The following FRMD4B variants were observed in gnomAD, a reference collection of about 807,000 sequenced individuals.
FRMD4B encodes FERM domain-containing protein 4B.
In FRMD4B, 74 loss-of-function variants were observed where a neutral mutation model predicts 141.5. The ratio of observed to expected loss-of-function variants is 0.52; its 90% CI spans 0.43 to 0.63. FRMD4B has a LOEUF of 0.63. Ranked by LOEUF, FRMD4B falls within the 30% of genes least tolerant of loss-of-function variation. The pLI is 0.00. For synonymous variants in FRMD4B, 506 were observed against 467.9 expected (o/e 1.08, Z -1.05); for missense variants, 1,366 against 1,253.4 (o/e 1.09, Z -1.36).
intron 1 of FRMD4B, among the ~76,000 whole-genome samples, chr3:69,352,126 G>C (rs958965779): frequency 6.6e-6 from 1 of 152,164 alleles, no homozygotes; most frequent in Non-Finnish European, 1.5e-5. Flanking sequence ...CCTCTGCTAA[G>C]AGCTGTAGTT....
chr3:69,200,088 C>G, intron 11 of FRMD4B, among the ~76,000 whole-genome samples: 1 of 152,208 alleles, frequency 6.6e-6, no homozygotes, highest in East Asian at 1.9e-4. Flanking sequence ...AAGCACTTCT[C>G]TGCAATGCAC....
chr3:69,259,699 C>A (rs928621297), intron 5 of FRMD4B, among the ~76,000 whole-genome samples: 2 of 152,114 alleles, frequency 1.3e-5, no homozygotes, highest in Non-Finnish European at 2.9e-5. Flanking sequence ...CTTTGACATC[C>A]TCTTATTTTC....
rs184065631 is a variant in FRMD4B at position 69,504,789 on chromosome 3, T to C, written c.-129+37417A>G. ...ACACATCTTAGTTGGTTCCTTTGAA[T>C]ATATTCCTAGACATGAAAATGCTAG... On this transcript the variant is annotated intron_variant, in intron 1 of 5. Transcript: ENST00000459638. 7.6e-4 allele frequency among the ~76,000 whole-genome samples: 116 copies of C among 152,360 alleles called. 1 individual carries two copies. The highest frequency in any genetic ancestry group is 1.5e-3 in the Non-Finnish European group (99 of 68,040).
intron 1 of FRMD4B, chr3:69,432,950 T>C (rs562361381): frequency 6.6e-6 from 1 of 152,336 alleles, no homozygotes; most frequent in South Asian, 2.1e-4. Flanking sequence ...ACAGATGAAA[T>C]TGAGGCTAGT....
At chr3:69,485,503 GA>G (rs1185542259) in intron 1 of FRMD4B, among the ~76,000 whole-genome samples, 1 of 152,202 alleles carries the variant, frequency 6.6e-6, no homozygotes, top group Non-Finnish European at 1.5e-5. Flanking sequence ...TCAGCTCCCA[GA>G]AGCAAGGGGT....
At chr3:69,219,609 C>CT (rs74266944) in intron 9 of FRMD4B, among the ~76,000 whole-genome samples, 2,115 of 146,038 alleles carry the variant, frequency 0.014, 33 homozygotes, top group African/African-American at 0.049. Flanking sequence ...AGCATGGGTA[C>CT]TTTTTTTTTT....
intron 1 of FRMD4B, among the ~76,000 whole-genome samples, chr3:69,463,856 C>G (rs1468174677): frequency 6.6e-6 from 1 of 152,198 alleles, no homozygotes; most frequent in East Asian, 1.9e-4. Context: ...AAATGACTGC[C>G]TCATCTCCTG....
chr3:69,184,041 G>A (rs1263482655), intron 19 of FRMD4B, among the ~76,000 whole-genome samples: 1 of 152,040 alleles, frequency 6.6e-6, no homozygotes, highest in African/African-American at 2.4e-5. Flanking sequence ...AATTACAGGT[G>A]TACACCACCA....
intron 5 of FRMD4B, among the ~76,000 whole-genome samples, chr3:69,282,839 G>A (rs749537403): frequency 1.3e-5 from 2 of 151,936 alleles, no homozygotes; most frequent in Non-Finnish European, 2.9e-5. Context: ...GTTTCACCAT[G>A]TTGGCCAGGC....
rs889017874 is a variant in FRMD4B at position 69,170,355 on chromosome 3, A to T, written c.*1506T>A. ...CAATAAAAGAATATGCAAAAAGGTT[A>T]TTTCTGATTCTAGAAGGCTATACAA... On this transcript the variant is annotated 3_prime_UTR_variant, in exon 23 of 23. Transcript: ENST00000398540. 2.0e-5 allele frequency: 3 copies of T among 152,162 alleles called. No homozygotes were observed. The highest frequency in any genetic ancestry group is 4.4e-5 in the Non-Finnish European group (3 of 68,014). 9.4% of individuals were successfully genotyped at this position (152,162 alleles called of 1,614,324 possible).
At chr3:69,199,703 G>A (rs1272602907) in intron 11 of FRMD4B, among the ~76,000 whole-genome samples, 1 of 152,194 alleles carries the variant, frequency 6.6e-6, no homozygotes, top group Non-Finnish European at 1.5e-5. Flanking sequence ...CCCAGTGTCT[G>A]TACACTCTGA....
chr3:69,468,151 T>C (rs1320983692), intron 1 of FRMD4B, among the ~76,000 whole-genome samples: 8 of 145,342 alleles, frequency 5.5e-5, no homozygotes, highest in African/African-American at 2.5e-5. Context: ...TTATTTCTTT[T>C]TATTTAAAGT....
At chr3:69,497,128 TC>T in intron 1 of FRMD4B, among the ~76,000 whole-genome samples, 1 of 152,296 alleles carries the variant, frequency 6.6e-6, no homozygotes, top group East Asian at 1.9e-4. Context: ...CTGTCATACT[TC>T]CTTTTTTGTT....
chr3:69,501,147 T>C (rs1271004543), intron 1 of FRMD4B, among the ~76,000 whole-genome samples: 1 of 151,734 alleles, frequency 6.6e-6, no homozygotes, highest in Non-Finnish European at 1.5e-5. Context: ...GTCCAACCAG[T>C]GGCCCAGGAT....
At chr3:69,221,978 C>T in intron 8 of FRMD4B, 55 bp from the exon 9 acceptor site, 1 of 881,374 alleles carries the variant, frequency 1.1e-6, no homozygotes, top group Non-Finnish European at 1.9e-6. Context: ...GAGGTACAGG[C>T]ACAGTTTCCA....
chr3:69,313,956 G>A (rs1701699847), intron 1 of FRMD4B, among the ~76,000 whole-genome samples: 1 of 147,462 alleles, frequency 6.8e-6, no homozygotes, highest in Admixed American at 6.8e-5. Context: ...TGGCTAACAC[G>A]GTGAAACCCC....
intron 1 of FRMD4B, among the ~76,000 whole-genome samples, chr3:69,469,662 AGAT>A (rs1232427471): frequency 6.6e-6 from 1 of 152,214 alleles, no homozygotes; most frequent in Admixed American, 6.5e-5. Context: ...CTACTCCACA[AGAT>A]TATTATTAAT....
intron 1 of FRMD4B, among the ~76,000 whole-genome samples, chr3:69,348,428 C>G (rs1703021953): frequency 6.6e-6 from 1 of 152,200 alleles, no homozygotes. Context: ...GGTACCATTC[C>G]TTCTGAAACT....
chr3:69,477,281 C>T (rs1335541609), intron 1 of FRMD4B, among the ~76,000 whole-genome samples: 227 of 141,408 alleles, frequency 1.6e-3, no homozygotes, highest in African/African-American at 4.1e-3. Flanking sequence ...CTGTCTTGTG[C>T]CAGTTTTCAA....
Sources: allele counts gnomAD v4.1 joint callset (sites outside exome capture counted in the v4.1 genomes callset), GRCh38; gene constraint gnomAD v4.1.1; transcripts MANE v1.5; gene names NCBI Gene and HGNC (gene_info 2026-07-23, HGNC 2026-07-21).